Variants in BIRC6 observed in about 807,000 individuals in gnomAD.
BIRC6 encodes baculoviral IAP repeat containing 6, also known as dual E2 ubiquitin-conjugating enzyme/E3 ubiquitin-protein ligase BIRC6.
In BIRC6, 98 loss-of-function variants were observed where a neutral mutation model predicts 503.3. That is an observed-to-expected ratio of 0.19 (90% confidence interval 0.17 to 0.23). BIRC6 has a LOEUF of 0.23. Among genes scored for constraint, BIRC6 ranks in the 10% least tolerant of loss-of-function variants. The pLI, the probability that BIRC6 is intolerant of heterozygous loss-of-function variation, is 1.00. For missense variants in BIRC6, 5,360 were observed against 5,806.0 expected (o/e 0.92, Z 2.50); for synonymous variants, 2,240 against 2,078.7 (o/e 1.08, Z -2.11).
chr2:32,466,225 A>G (rs1242024834), intron 26 of BIRC6, among the ~76,000 whole-genome samples: 1 of 152,214 alleles, frequency 6.6e-6, no homozygotes, highest in African/African-American at 2.4e-5. Context: ...TGTAGCTGGT[A>G]AGATTACTAG....
chr2:32,516,298 G>A (rs866800546), intron 55 of BIRC6, among the ~76,000 whole-genome samples: 39 of 152,130 alleles, frequency 2.6e-4, no homozygotes, highest in African/African-American at 8.7e-4. Context: ...CAGATTGCCT[G>A]AGGTCAGGAG....
rs1471167955 is a variant in BIRC6 at position 32,357,065 on chromosome 2, AGTTTGGCCCCTCCGG to A, written c.-96_-82del. 1 of 1,082,300 alleles carries A rather than the reference AGTTTGGCCCCTCCGG, an allele frequency of 9.2e-7. No individual in the cohort carries two copies. The highest frequency in any genetic ancestry group is 1.7e-5 in the African/African-American group (1 of 59,408). The allele number at this position is 1,082,300 out of a possible 1,614,324, so 67.0% of individuals were successfully genotyped here. On this transcript the variant is annotated 5_prime_UTR_variant, in exon 1 of 74. Coordinates refer to ENST00000421745, the MANE Select transcript of BIRC6 (RefSeq NM_016252.4). This position sits in a 1 kb window ranked among gnomAD's most constrained non-coding sequence, Gnocchi z 4.9. ...CCCCTCTCCCGTCAGCCTCCCTCCG[AGTTTGGCCCCTCCGG>A]CCGGGCGATCGACGTTCCGCGTGCG...
Position 32,357,169 on chromosome 2 carries a change from CTGG to C in BIRC6, c.17_19del (p.Gly6del). 6.6e-7 allele frequency: 1 copy of C among 1,521,832 alleles called. No homozygotes were observed. Among genetic ancestry groups the C allele is most frequent in the African/African-American group, 1.4e-5 (1 of 69,382 alleles). The allele number at this position is 1,521,832 out of a possible 1,614,324, so 94.3% of individuals were successfully genotyped here. On this transcript the variant is annotated inframe_deletion, in exon 1 of 74. Coordinates refer to ENST00000421745, the MANE Select transcript of BIRC6 (RefSeq NM_016252.4). This position sits in a 1 kb window ranked among gnomAD's most constrained non-coding sequence, Gnocchi z 4.9. ...CTTGCCCCCTGGCCCCGGATGGTGA[CTGG>C]TGGTGGTGCTGCACCTCCCGGGACT...
At chr2:32,594,592 A>C (rs561981263) in intron 67 of BIRC6, among the ~76,000 whole-genome samples, 1 of 152,274 alleles carries the variant, frequency 6.6e-6, no homozygotes, top group South Asian at 2.1e-4. Flanking sequence ...GCTACCTGGA[A>C]GGCTGAAGTG....
In BIRC6 at chr2:32,406,512, G is replaced by C; in HGVS notation, c.1432G>C (p.Glu478Gln). ...TTTTGATTTAAGTGATGATTTACTG[G>C]AGGATTCAGACAGTGAAGAGCATTC... Reference protein sequence around the residue: ...KLEGDSDDLLEDSDSEEHSRS... With the variant: ...KLEGDSDDLLQDSDSEEHSRS... Residue 478 changes from glutamate to glutamine, a missense_variant, in exon 9 of 74, where the codon GAG becomes CAG. Coordinates refer to ENST00000421745, the MANE Select transcript of BIRC6 (RefSeq NM_016252.4). The C allele has an allele frequency of 6.2e-7, 1 of 1,609,108 alleles. No homozygotes were observed. The highest frequency in any genetic ancestry group is 8.5e-7 in the Non-Finnish European group (1 of 1,176,650).
intron 68 of BIRC6, among the ~76,000 whole-genome samples, chr2:32,595,829 C>G (rs1421731921): frequency 6.6e-6 from 1 of 152,110 alleles, no homozygotes; most frequent in African/African-American, 2.4e-5. Context: ...GCTCTACTTA[C>G]TTTCAGGTTT....
intron 30 of BIRC6, 62 bp downstream of exon 30, chr2:32,469,676 T>C (rs1572450723): frequency 7.1e-7 from 1 of 1,400,450 alleles, no homozygotes; most frequent in South Asian, 1.4e-5. Context: ...CAGTTACTGG[T>C]TAGCTTTTGA....
intron 23 of BIRC6, among the ~76,000 whole-genome samples, chr2:32,454,427 T>G (rs1379919283): frequency 6.6e-6 from 1 of 152,186 alleles, no homozygotes; most frequent in Non-Finnish European, 1.5e-5. Context: ...AAAATTAAGT[T>G]TTTGACCATC....
chr2:32,421,370 G>A (rs959686066), intron 10 of BIRC6, among the ~76,000 whole-genome samples: 1 of 152,082 alleles, frequency 6.6e-6, no homozygotes, highest in Non-Finnish European at 1.5e-5. Context: ...CTCCCAAAGT[G>A]CTGGGATTAC....
At position 32,465,840 on chromosome 2, in the gene BIRC6, G is replaced by A. The variant is rs868216843; in HGVS notation, c.5356+676G>A. Among the ~76,000 whole-genome samples, 11 of 152,290 alleles carry A rather than the reference G, an allele frequency of 7.2e-5. No individual in the cohort carries two copies. The Middle Eastern group carries it at 0.01, about 141-fold the overall frequency. On this transcript the variant is annotated intron_variant, in intron 26 of 73. Transcript: ENST00000421745. ...ATATGAAGAATTAAATAGTATTTGC[G>A]TTCTTGCAATGTGGTTGTTTCCTCT...
intron 68 of BIRC6, among the ~76,000 whole-genome samples, chr2:32,597,488 C>G (rs1362225184): frequency 6.6e-6 from 1 of 152,172 alleles, no homozygotes; most frequent in Non-Finnish European, 1.5e-5. Context: ...CCATTTCTTG[C>G]ATCTGTTAGA....
intron 36 of BIRC6, 81 bp downstream of exon 36, chr2:32,478,899 A>G (rs1184626815): frequency 7.2e-7 from 1 of 1,391,592 alleles, no homozygotes; most frequent in Admixed American, 2.0e-5. Flanking sequence ...GGGATCTTTA[A>G]CCCCTAGAGG....
intron 33 of BIRC6, among the ~76,000 whole-genome samples, chr2:32,473,984 T>C (rs757046572): frequency 5.9e-5 from 9 of 151,920 alleles, no homozygotes; most frequent in Non-Finnish European, 1.0e-4. Context: ...CTCAAACTCC[T>C]GGCTCTGGCG....
chr2:32,551,171 C>A (rs952867455), intron 65 of BIRC6, among the ~76,000 whole-genome samples: 2 of 151,526 alleles, frequency 1.3e-5, no homozygotes, highest in South Asian at 4.2e-4. Flanking sequence ...CAGGAAAACA[C>A]AGCTTAATAT....
intron 42 of BIRC6, among the ~76,000 whole-genome samples, chr2:32,489,402 A>C (rs1014516977): frequency 6.6e-6 from 1 of 151,958 alleles, no homozygotes; most frequent in Admixed American, 6.6e-5. Context: ...CCCTTCTTTA[A>C]TTTATAGGTT....
chr2:32,410,745 G>T (rs998205751), intron 9 of BIRC6, among the ~76,000 whole-genome samples: 31 of 151,212 alleles, frequency 2.1e-4, no homozygotes, highest in African/African-American at 6.1e-4. Flanking sequence ...CTGTCGCCCA[G>T]GCTGGAGTGC....
intron 15 of BIRC6, among the ~76,000 whole-genome samples, chr2:32,437,327 C>T (rs964011201): frequency 5.9e-5 from 9 of 151,902 alleles, no homozygotes; most frequent in Non-Finnish European, 1.5e-5. Flanking sequence ...AGTGGTAGGA[C>T]GTTTTCAGCT....
intron 61 of BIRC6, among the ~76,000 whole-genome samples, chr2:32,539,794 C>T (rs1239070444): frequency 1.3e-5 from 2 of 151,872 alleles, no homozygotes; most frequent in Non-Finnish European, 2.9e-5. Flanking sequence ...CAAGGAATTA[C>T]TACAGTAAGA....
intron 66 of BIRC6, among the ~76,000 whole-genome samples, chr2:32,585,246 T>TGAG (rs2060949606): frequency 6.6e-6 from 1 of 152,178 alleles, no homozygotes; most frequent in South Asian, 2.1e-4. Flanking sequence ...ATACCGATTG[T>TGAG]GAGGACTCAA....
Sources: allele counts gnomAD v4.1 joint callset (sites outside exome capture counted in the v4.1 genomes callset), GRCh38; gene constraint gnomAD v4.1.1; non-coding constraint Gnocchi (gnomAD v3.1); transcripts MANE v1.5; gene names NCBI Gene and HGNC (gene_info 2026-07-23, HGNC 2026-07-21).